The following AATF variants were observed in gnomAD, a reference collection of about 807,000 sequenced individuals.
AATF encodes apoptosis antagonizing transcription factor, also known as protein AATF.
A neutral mutation model predicts 63.7 loss-of-function variants in AATF; 48 were observed. The ratio of observed to expected loss-of-function variants is 0.75; its 90% CI spans 0.60 to 0.96. The LOEUF is 0.96. Ranked by LOEUF, AATF falls within the 40% of genes least tolerant of loss-of-function variation. The probability of loss-of-function intolerance (pLI) is 0.00; values close to 1 mark genes in which losing one functional copy is unlikely to be tolerated. For synonymous variants in AATF, 258 were observed against 247.7 expected, an observed-to-expected ratio of 1.04 and a Z score of -0.39; for missense variants, 639 against 685.7, an observed-to-expected ratio of 0.93 and a Z score of 0.76.
At chr17:37,034,348 A>G (rs1050809966) in intron 11 of AATF, among the ~76,000 whole-genome samples, 6 of 152,188 alleles carry the variant, frequency 3.9e-5, no homozygotes, top group Non-Finnish European at 5.9e-5. Flanking sequence ...AGGAAGTAGT[A>G]ATAGCTTATC....
chr17:36,969,450 T>C (rs1345125198), intron 4 of AATF, among the ~76,000 whole-genome samples: 2 of 152,188 alleles, frequency 1.3e-5, no homozygotes, highest in South Asian at 2.1e-4. Context: ...TAAGAAGATA[T>C]GATATTTTAA....
chr17:36,982,233 G>GTTTTTTTTTTT (rs61030839), intron 4 of AATF, among the ~76,000 whole-genome samples: 2 of 121,756 alleles, frequency 1.6e-5, no homozygotes, highest in Non-Finnish European at 1.8e-5. Flanking sequence ...TTTTTGTTTT[G>GTTTTTTTTTTT]TTTTTTTTTT....
At chr17:36,979,323 G>A (rs1276926597) in intron 4 of AATF, among the ~76,000 whole-genome samples, 1 of 152,186 alleles carries the variant, frequency 6.6e-6, no homozygotes, top group Non-Finnish European at 1.5e-5. Flanking sequence ...TTTAATAGAT[G>A]TTGACAAGAA....
intron 4 of AATF, among the ~76,000 whole-genome samples, chr17:36,967,777 A>G (rs1010360005): frequency 2.0e-5 from 3 of 152,066 alleles, no homozygotes; most frequent in African/African-American, 7.3e-5. Flanking sequence ...GTTTGTATAT[A>G]GAATTCTATA....
At chr17:37,016,915 T>C (rs1395933634) in intron 8 of AATF, among the ~76,000 whole-genome samples, 1 of 152,220 alleles carries the variant, frequency 6.6e-6, no homozygotes, top group Non-Finnish European at 1.5e-5. Flanking sequence ...CCTAGCTAGA[T>C]AGACCAATAA....
At chr17:36,954,895 G>A (rs970058544) in intron 4 of AATF, among the ~76,000 whole-genome samples, 2 of 152,152 alleles carry the variant, frequency 1.3e-5, no homozygotes, top group Non-Finnish European at 2.9e-5. Flanking sequence ...GGGTGAGTGT[G>A]CTGTGTTTGG....
At chr17:37,030,709 A>G (rs2071545574) in intron 10 of AATF, among the ~76,000 whole-genome samples, 1 of 152,158 alleles carries the variant, frequency 6.6e-6, no homozygotes, top group Non-Finnish European at 1.5e-5. Context: ...GGTGGGGGAA[A>G]TGAAAGACCC....
intron 4 of AATF, among the ~76,000 whole-genome samples, chr17:36,981,702 C>CTTTTTTTTTTTTTTTTTTTTTTTTTTTT (rs71368433): frequency 3.6e-5 from 4 of 110,480 alleles, no homozygotes; most frequent in Non-Finnish European, 5.6e-5. Flanking sequence ...TCTTTCTTTT[C>CTTTTTTTTTTTTTTTTTTTTTTTTTTTT]TTTTTTTTTT....
intron 8 of AATF, among the ~76,000 whole-genome samples, chr17:36,997,170 T>C (rs2071260787): frequency 6.6e-6 from 1 of 152,152 alleles, no homozygotes; most frequent in African/African-American, 2.4e-5. Context: ...CCTCAAGAAA[T>C]GGAGACATTA....
intron 11 of AATF, among the ~76,000 whole-genome samples, chr17:37,047,798 G>C (rs7225497): frequency 0.08 from 12,144 of 152,230 alleles, 1,660 homozygotes; most frequent in African/African-American, 0.28. Context: ...CTGACTGGTG[G>C]CTGGGTCCAC....
intron 11 of AATF, among the ~76,000 whole-genome samples, chr17:37,040,553 A>T (rs148940793): frequency 7.7e-4 from 117 of 152,296 alleles, no homozygotes; most frequent in African/African-American, 2.8e-3. Flanking sequence ...GCCTAAGCTG[A>T]ACAGCAAGTA....
At chr17:36,955,348 G>T (rs540967619) in intron 4 of AATF, among the ~76,000 whole-genome samples, 1 of 152,258 alleles carries the variant, frequency 6.6e-6, no homozygotes, top group East Asian at 1.9e-4. Flanking sequence ...TTTGTGTCCC[G>T]CCACACTTAA....
chr17:37,050,638 C>A (rs567003439), intron 11 of AATF, among the ~76,000 whole-genome samples: 3 of 152,186 alleles, frequency 2.0e-5, no homozygotes, highest in Non-Finnish European at 2.9e-5. Context: ...GGTTTCAGAT[C>A]GGATCCAGAC....
intron 10 of AATF, among the ~76,000 whole-genome samples, chr17:37,024,892 G>T (rs925084893): frequency 6.6e-6 from 1 of 152,138 alleles, no homozygotes; most frequent in Non-Finnish European, 1.5e-5. Context: ...CAGAGAGGCA[G>T]AGGTTTCAGT....
At chr17:37,035,040 C>T (rs1231892438) in intron 11 of AATF, among the ~76,000 whole-genome samples, 2 of 150,550 alleles carry the variant, frequency 1.3e-5, no homozygotes, top group Non-Finnish European at 3.0e-5. Flanking sequence ...AGGAGAATGG[C>T]GTGAACCCAG....
chr17:37,042,834 C>T (rs1214346234), intron 11 of AATF, among the ~76,000 whole-genome samples: 15 of 151,018 alleles, frequency 9.9e-5, no homozygotes, highest in Non-Finnish European at 1.6e-4. Flanking sequence ...CTCCTCCTCC[C>T]GGGTTCACGC....
chr17:36,978,917 T>C (rs2071099504), intron 4 of AATF, among the ~76,000 whole-genome samples: 1 of 151,938 alleles, frequency 6.6e-6, no homozygotes. Flanking sequence ...AGGGCCTAAA[T>C]GTTAAGGCTT....
chr17:37,035,639 G>A (rs2071586200), intron 11 of AATF, among the ~76,000 whole-genome samples: 1 of 150,738 alleles, frequency 6.6e-6, no homozygotes, highest in Non-Finnish European at 1.5e-5. Flanking sequence ...CCTAGGTTCA[G>A]CAATTCTCCT....
At chr17:36,962,080 C>T (rs1294578034) in intron 4 of AATF, among the ~76,000 whole-genome samples, 1 of 152,212 alleles carries the variant, frequency 6.6e-6, no homozygotes, top group Non-Finnish European at 1.5e-5. Flanking sequence ...TTTTCCTACA[C>T]TCCTGCCTCC....
Sources: allele counts gnomAD v4.1 joint callset (sites outside exome capture counted in the v4.1 genomes callset), GRCh38; gene constraint gnomAD v4.1.1; transcripts MANE v1.5; gene names NCBI Gene and HGNC (gene_info 2026-07-23, HGNC 2026-07-21).